Variants in SERPINB8 observed in about 807,000 individuals in gnomAD.
SERPINB8 encodes serpin family B member 8, also known as serpin B8.
In SERPINB8, 25 loss-of-function variants were observed where a neutral mutation model predicts 35.3. That is an observed-to-expected ratio of 0.71 (90% CI 0.52 to 0.99). The LOEUF (loss-of-function observed/expected upper bound fraction) is 0.99. Ranked by LOEUF, SERPINB8 falls within the 50% of genes least tolerant of loss-of-function variation. The pLI is 0.00. For synonymous variants in SERPINB8, 186 were observed against 160.8 expected, an observed-to-expected ratio of 1.16 and a Z score of -1.19; for missense variants, 484 against 446.5, an observed-to-expected ratio of 1.08 and a Z score of -0.76.
intron 1 of SERPINB8, among the ~76,000 whole-genome samples, chr18:63,999,148 A>G (rs1050668105): frequency 6.6e-6 from 1 of 152,082 alleles, no homozygotes; most frequent in African/African-American, 2.4e-5. Flanking sequence ...CCTCTCTCTC[A>G]TGGGTAGTCT....
intron 3 of SERPINB8, 48 bp downstream of exon 3, chr18:63,979,986 G>A: frequency 6.3e-7 from 1 of 1,574,878 alleles, no homozygotes; most frequent in Non-Finnish European, 8.7e-7. Flanking sequence ...AAGTAAGTTA[G>A]ACTACAGAAG....
At chr18:63,976,209 C>G (rs1306920624) in intron 1 of SERPINB8, among the ~76,000 whole-genome samples, 1 of 151,816 alleles carries the variant, frequency 6.6e-6, no homozygotes, top group Non-Finnish European at 1.5e-5. Flanking sequence ...ATGATTTGTC[C>G]TTTTATTTTC....
At chr18:63,991,670 C>CT (rs34105602), downstream of SERPINB8, among the ~76,000 whole-genome samples, 181 of 148,982 alleles carry the variant, frequency 1.2e-3, 1 homozygote, top group South Asian at 0.01. Context: ...ATTTAGATAG[C>CT]TTTTTTTTTT....
intron 1 of SERPINB8, among the ~76,000 whole-genome samples, chr18:64,004,279 C>A (rs774698187): frequency 2.0e-5 from 3 of 152,044 alleles, no homozygotes; most frequent in Non-Finnish European, 2.9e-5. Flanking sequence ...AAAAACCTGG[C>A]ACTCAGTATT....
At chr18:64,001,962 C>T (rs1246439669) in intron 1 of SERPINB8, among the ~76,000 whole-genome samples, 2 of 152,198 alleles carry the variant, frequency 1.3e-5, no homozygotes, top group Admixed American at 1.3e-4. Flanking sequence ...GACATCTTGT[C>T]CTGGACGTGA....
downstream of SERPINB8, among the ~76,000 whole-genome samples, chr18:64,009,109 T>A (rs213079): frequency 1.3e-4 from 20 of 152,086 alleles, no homozygotes; most frequent in African/African-American, 2.4e-4. Context: ...CTCAAAAACC[T>A]TAAGATTCTT....
chr18:63,987,173 C>T lies in SERPINB8; in HGVS notation c.1020C>T (p.Cys340=), dbSNP rs1192995072. ...CTGCTGTGGTCAGGAATTCCCGGTGCAGCAGAATGGAGCCAAGATTCTGTG... is the reference window on the plus strand; with the variant it reads ...CTGCTGTGGTCAGGAATTCCCGGTGTAGCAGAATGGAGCCAAGATTCTGTG... ...AATAVVRNSR[C]SRMEPRFCAD... is the part of the protein sequence containing the mutation. Residue 340 remains cysteine (C), a synonymous_variant, in exon 7 of 7, where the codon TGC becomes TGT. Transcript: ENST00000397985. 3.1e-6 allele frequency: 5 copies of T among 1,614,168 alleles called. No homozygotes were observed. The South Asian group carries it at 3.3e-5, about 11-fold the overall frequency.
chr18:63,981,642 A>T, intron 3 of SERPINB8, 79 bp from the exon 4 acceptor site: 1 of 938,482 alleles, frequency 1.1e-6, no homozygotes, highest in Non-Finnish European at 1.7e-6. Flanking sequence ...GTAGAAATGC[A>T]GTAAGAGAAA....
chr18:64,012,109 AT>A (rs1292625619), intron 7 of SERPINB8, among the ~76,000 whole-genome samples: 1 of 152,158 alleles, frequency 6.6e-6, no homozygotes, highest in African/African-American at 2.4e-5. Flanking sequence ...TTTTGAAATT[AT>A]TTTACAAATA....
At chr18:63,986,604 G>C in intron 6 of SERPINB8, 1 of 1,311,670 alleles carries the variant, frequency 7.6e-7, no homozygotes, top group Non-Finnish European at 9.7e-7. Context: ...TTTAACATTT[G>C]AAAGGAGTTA....
intron 2 of SERPINB8, among the ~76,000 whole-genome samples, chr18:63,978,851 C>T (rs1459420723): frequency 6.9e-6 from 1 of 144,420 alleles, no homozygotes; most frequent in South Asian, 2.1e-4. Context: ...CATGTGGGTG[C>T]GTAGATTAAC....
At chr18:63,972,602 A>T (rs1190180166) in intron 1 of SERPINB8, among the ~76,000 whole-genome samples, 5 of 152,158 alleles carry the variant, frequency 3.3e-5, no homozygotes, top group Non-Finnish European at 7.3e-5. Context: ...CTAGTCATTT[A>T]CATTAGGTAT....
intron 3 of SERPINB8, 91 bp from the exon 4 acceptor site, chr18:63,981,630 T>TCA: frequency 1.2e-6 from 1 of 848,152 alleles, no homozygotes; most frequent in East Asian, 2.4e-5. Flanking sequence ...CAAGCACTTA[T>TCA]TGTAGAAATG....
At chr18:64,011,729 A>G (rs2050926894) in intron 7 of SERPINB8, among the ~76,000 whole-genome samples, 2 of 152,184 alleles carry the variant, frequency 1.3e-5, no homozygotes, top group East Asian at 1.9e-4. Flanking sequence ...TGGTGATGCA[A>G]TAGTTGATAT....
At chr18:63,971,701 C>T (rs35608999) in intron 1 of SERPINB8, among the ~76,000 whole-genome samples, 1 of 152,242 alleles carries the variant, frequency 6.6e-6, no homozygotes, top group Non-Finnish European at 1.5e-5. Flanking sequence ...ATACCAAATA[C>T]TGAGCCGGGT....
In SERPINB8 at chr18:63,987,141, G is replaced by A. The variant is rs140176524; in HGVS notation, c.988G>A (p.Ala330Thr). 446 of 1,614,110 alleles carry A rather than the reference G, an allele frequency of 2.8e-4. 1 individual carries two copies. Among genetic ancestry groups the A allele is most frequent in the Middle Eastern group, 1.5e-3 (9 of 6,062 alleles). ...EVNEEGTEAA[A>T]ATAVVRNSRC... ...CAATGAGGAAGGCACAGAGGCTGCC[G>A]CAGCCACTGCTGTGGTCAGGAATTC... is the stretch of plus-strand genomic sequence containing the variant. Residue 330 changes from alanine (A) to threonine (T), a missense_variant, in exon 7 of 7, where the codon GCA (alanine) becomes ACA (threonine). By Grantham distance (58) the Ala-to-Thr change is moderately conservative. Transcript: ENST00000397985.
At chr18:63,986,563 G>A in intron 6 of SERPINB8, 2 of 1,318,042 alleles carry the variant, frequency 1.5e-6, no homozygotes, top group Non-Finnish European at 1.9e-6. Context: ...TAATGAATTG[G>A]TTAGAATTTT....
chr18:64,003,806 T>A (rs893025599), intron 1 of SERPINB8, among the ~76,000 whole-genome samples: 7 of 152,072 alleles, frequency 4.6e-5, no homozygotes, highest in Non-Finnish European at 8.8e-5. Context: ...GGCCTTTGGT[T>A]GACTGGAGGG....
At chr18:64,015,271 G>T (rs921782654) in intron 7 of SERPINB8, among the ~76,000 whole-genome samples, 5 of 152,200 alleles carry the variant, frequency 3.3e-5, no homozygotes, top group African/African-American at 1.2e-4. Context: ...AACCGGGCAA[G>T]GGTGGATTTG....
Sources: gnomAD v4.1 joint callset for allele counts (sites outside exome capture counted in the v4.1 genomes callset) on GRCh38, gnomAD v4.1.1 for gene constraint, MANE v1.5 for transcripts, NCBI Gene and HGNC (gene_info 2026-07-23, HGNC 2026-07-21) for gene names.